The following MED12L variants were observed in gnomAD, a reference collection of about 807,000 sequenced individuals.
The protein encoded by MED12L is mediator of RNA polymerase II transcription subunit 12-like protein.
In MED12L, 60 loss-of-function variants were observed where a neutral mutation model predicts 281.3. That is an observed-to-expected ratio of 0.21 (90% confidence interval 0.17 to 0.26). The LOEUF is 0.26. MED12L is among the 10% of genes least tolerant of loss of function. The pLI is 1.00. For synonymous variants in MED12L, 974 were observed against 987.2 expected (o/e 0.99, Z 0.25); for missense variants, 2,146 against 2,680.9 (o/e 0.80, Z 4.41).
At chr3:151,286,271 C>T (rs1228952235) in intron 16 of MED12L, among the ~76,000 whole-genome samples, 1 of 152,002 alleles carries the variant, frequency 6.6e-6, no homozygotes, top group East Asian at 1.9e-4. Context: ...CTCTTGAAAT[C>T]AATACAGAAC....
At chr3:151,136,040 C>T (rs935769091) in intron 5 of MED12L, among the ~76,000 whole-genome samples, 1 of 152,158 alleles carries the variant, frequency 6.6e-6, no homozygotes, top group African/African-American at 2.4e-5. Flanking sequence ...CTGTTTACCC[C>T]TAGTCATTTC....
At chr3:151,393,002 T>A (rs17283038) in intron 38 of MED12L, among the ~76,000 whole-genome samples, 1 of 152,060 alleles carries the variant, frequency 6.6e-6, no homozygotes, top group Non-Finnish European at 1.5e-5. Flanking sequence ...GTTGCTTCAA[T>A]AGAAGTTACC....
intron 40 of MED12L, among the ~76,000 whole-genome samples, chr3:151,409,533 A>T (rs1201474311): frequency 6.6e-6 from 1 of 152,262 alleles, no homozygotes; most frequent in Non-Finnish European, 1.5e-5. Flanking sequence ...AGCATAAAAC[A>T]TTCTAGAAAA....
At chr3:151,430,546 TG>T in intron 44 of MED12L, among the ~76,000 whole-genome samples, 166 bp downstream of exon 44, 1 of 151,960 alleles carries the variant, frequency 6.6e-6, no homozygotes, top group Middle Eastern at 3.4e-3. Flanking sequence ...CGTTTGGTTT[TG>T]GCTTGAATGC....
intron 36 of MED12L, among the ~76,000 whole-genome samples, chr3:151,385,396 AG>A (rs1289986797): frequency 1.3e-5 from 2 of 152,200 alleles, no homozygotes; most frequent in Non-Finnish European, 2.9e-5. Context: ...ATATGTTTAA[AG>A]GACTTAAAAT....
chr3:151,226,019 A>G (rs1246738050), intron 16 of MED12L, among the ~76,000 whole-genome samples: 1 of 152,190 alleles, frequency 6.6e-6, no homozygotes, highest in African/African-American at 2.4e-5. Flanking sequence ...AAGCCGTCAG[A>G]ACATGCTGCC....
chr3:151,127,393 A>T (rs942875458), intron 4 of MED12L, among the ~76,000 whole-genome samples: 3 of 152,208 alleles, frequency 2.0e-5, no homozygotes, highest in Non-Finnish European at 2.9e-5. Flanking sequence ...TACACACACA[A>T]AAAAAGGTCC....
intron 16 of MED12L, among the ~76,000 whole-genome samples, chr3:151,281,457 C>G (rs1459718842): frequency 6.6e-6 from 1 of 151,792 alleles, no homozygotes; most frequent in Non-Finnish European, 1.5e-5. Context: ...TGACTTTTAG[C>G]AACGTAGGTA....
chr3:151,124,827 G>A (rs764369396), intron 4 of MED12L, among the ~76,000 whole-genome samples: 1 of 152,192 alleles, frequency 6.6e-6, no homozygotes, highest in Non-Finnish European at 1.5e-5. Flanking sequence ...GAGACTTCTG[G>A]CATCTAGGGA....
intron 26 of MED12L, among the ~76,000 whole-genome samples, chr3:151,369,960 T>G (rs1755977380): frequency 6.6e-6 from 1 of 152,110 alleles, no homozygotes; most frequent in Non-Finnish European, 1.5e-5. Flanking sequence ...AAAATCTGAG[T>G]CTTAATCTTA....
chr3:151,102,730 C>T (rs572800203), intron 2 of MED12L, among the ~76,000 whole-genome samples: 26 of 152,226 alleles, frequency 1.7e-4, no homozygotes, highest in South Asian at 4.1e-4. Flanking sequence ...GCCTGGGCCT[C>T]GCAAAGTGTT....
intron 16 of MED12L, among the ~76,000 whole-genome samples, chr3:151,323,081 G>A (rs766580325): frequency 6.6e-6 from 1 of 152,190 alleles, no homozygotes; most frequent in Non-Finnish European, 1.5e-5. Flanking sequence ...TCGAGGAGAA[G>A]GGGGTGGAGG....
chr3:151,413,248 A>G lies in MED12L; in HGVS notation c.6250A>G (p.Met2084Val). Residue 2084 changes from methionine to valine, a missense_variant, in exon 42 of 45, where the codon ATG becomes GTG. Transcript: ENST00000687756. ...LPSVPLPQDP[M>V]RPRQPQVRQQ... is the part of the protein sequence containing the mutation. ...CTCCGTGCCCCTGCCTCAGGATCCC[A>G]TGAGACCCAGACAGCCGCAAGTTCG... 2 of 1,614,168 alleles carry G rather than the reference A, an allele frequency of 1.2e-6. No individual in the cohort carries two copies.
intron 2 of MED12L, among the ~76,000 whole-genome samples, chr3:151,094,216 A>G (rs73012986): frequency 0.05 from 7,554 of 152,300 alleles, 636 homozygotes; most frequent in African/African-American, 0.17. Flanking sequence ...CTTGCAAACT[A>G]CAAGAACTGT....
At chr3:151,219,891 AC>A (rs141293857) in intron 16 of MED12L, among the ~76,000 whole-genome samples, 10,647 of 91,908 alleles carry the variant, frequency 0.12, 820 homozygotes, top group African/African-American at 0.26. Context: ...GGTTTATATT[AC>A]CCCCCCCCCC....
chr3:151,360,708 A>T (rs530879247), intron 21 of MED12L, 103 bp downstream of exon 21: 1 of 1,076,142 alleles, frequency 9.3e-7, no homozygotes, highest in Non-Finnish European at 1.4e-6. Flanking sequence ...GCTAATTGCA[A>T]TTGTATCTAT....
chr3:151,097,195 G>T (rs998008712), intron 2 of MED12L, among the ~76,000 whole-genome samples: 14 of 152,208 alleles, frequency 9.2e-5, no homozygotes, highest in African/African-American at 3.4e-4. Context: ...TCTCTTGAGA[G>T]AGACGCACAC....
chr3:151,190,621 T>G, intron 13 of MED12L, 96 bp from the exon 14 acceptor site: 1 of 1,118,598 alleles, frequency 8.9e-7, no homozygotes, highest in Non-Finnish European at 1.3e-6. Context: ...CCCAGAAAAG[T>G]TGATTGTGAA....
chr3:151,278,371 C>T (rs952433714), intron 16 of MED12L: 4 of 152,214 alleles, frequency 2.6e-5, no homozygotes, highest in African/African-American at 4.8e-5. Flanking sequence ...AACACTGTTA[C>T]AGAGTTCTTG....
Sources: allele counts gnomAD v4.1 joint callset (sites outside exome capture counted in the v4.1 genomes callset), GRCh38; gene constraint gnomAD v4.1.1; transcripts MANE v1.5; gene names NCBI Gene and HGNC (gene_info 2026-07-23, HGNC 2026-07-21).